ZUP1: variants seen among roughly 807,000 people sequenced by gnomAD.
The protein encoded by ZUP1 is zinc finger-containing ubiquitin peptidase 1.
ZUP1 carries 55 observed loss-of-function variants against 68.1 expected under a neutral mutation model. The ratio of observed to expected loss-of-function variants is 0.81; its 90% CI spans 0.65 to 1.01. The LOEUF (loss-of-function observed/expected upper bound fraction) is 1.01, where lower values mean the gene tolerates loss of function less well. ZUP1 is among the 50% of genes least tolerant of loss of function. The probability of loss-of-function intolerance (pLI) is 0.00; values close to 1 mark genes in which losing one functional copy is unlikely to be tolerated. For missense variants in ZUP1, 684 were observed against 674.9 expected (o/e 1.01, Z -0.15); for synonymous variants, 223 against 221.5 (o/e 1.01, Z -0.06).
chr6:116,643,317 C>CT (rs1305046020), intron 9 of ZUP1, among the ~76,000 whole-genome samples: 3 of 151,326 alleles, frequency 2.0e-5, no homozygotes, highest in Non-Finnish European at 3.0e-5. Context: ...TGACTTTCTT[C>CT]ACAGAATTGG....
chr6:116,637,517 G>A (rs914412871), intron 9 of ZUP1, among the ~76,000 whole-genome samples: 1 of 152,132 alleles, frequency 6.6e-6, no homozygotes, highest in African/African-American at 2.4e-5. Context: ...CACAGCTACT[G>A]TCCATGACTT....
At position 116,641,912 on chromosome 6, in the gene ZUP1, G is replaced by T. The variant is rs995214258; in HGVS notation, c.1689+3802C>A. ...TAATGAATTCAGGAGCCGGTTTTTT[G>T]AAAGGATCAACAAAATTGATAGACC... On this transcript the variant is annotated intron_variant, in intron 9 of 9. Transcript: ENST00000368576. Among the ~76,000 whole-genome samples the T allele has an allele frequency of 1.9e-4, 29 of 152,168 alleles. 1 individual carries two copies. Among genetic ancestry groups the T allele is most frequent in the Middle Eastern group, 6.8e-3 (2 of 294 alleles).
At chr6:116,647,634 CATTT>C (rs767405892) in intron 7 of ZUP1, 24 bp from the exon 8 acceptor site, 1 of 1,464,480 alleles carries the variant, frequency 6.8e-7, no homozygotes, top group Non-Finnish European at 9.2e-7. Flanking sequence ...ACAAAATGCA[CATTT>C]AAAGGGCATT....
chr6:116,638,909 G>A (rs1359433381), intron 9 of ZUP1, among the ~76,000 whole-genome samples: 1 of 152,252 alleles, frequency 6.6e-6, no homozygotes, highest in Non-Finnish European at 1.5e-5. Context: ...GAAGCGCAAG[G>A]GGTCAGGGAG....
chr6:116,658,250 C>T (rs1776726904), intron 4 of ZUP1, among the ~76,000 whole-genome samples: 1 of 152,042 alleles, frequency 6.6e-6, no homozygotes, highest in Admixed American at 6.6e-5. Flanking sequence ...CAGTTTAGTC[C>T]AACAGGTAAA....
chr6:116,664,728 G>A (rs552237772), intron 2 of ZUP1, among the ~76,000 whole-genome samples: 205 of 152,156 alleles, frequency 1.3e-3, no homozygotes, highest in African/African-American at 4.6e-3. Flanking sequence ...TACAGCAGAA[G>A]TAAGAGACCA....
chr6:116,643,751 G>A lies in ZUP1; in HGVS notation c.1689+1963C>T, dbSNP rs184567516. On this transcript the variant is annotated intron_variant, in intron 9 of 9. Coordinates refer to ENST00000368576, the MANE Select transcript of ZUP1 (RefSeq NM_145062.3). ...ATAAAAACCCTAGAAGAAAACCTAG[G>A]CATTACCATTCAGCACATAGGCATG... Among the ~76,000 whole-genome samples the A allele has an allele frequency of 2.0e-4, 30 of 152,242 alleles. 2 individuals are homozygous for A. In the South Asian group the frequency reaches 5.8e-3, roughly 29 times the overall value.
chr6:116,637,851 T>C (rs1775948174), intron 9 of ZUP1, among the ~76,000 whole-genome samples: 2 of 152,146 alleles, frequency 1.3e-5, no homozygotes, highest in African/African-American at 2.4e-5. Flanking sequence ...TCACCAGAAG[T>C]TGGGAGTTCA....
At chr6:116,658,663 A>G in intron 4 of ZUP1, 140 bp downstream of exon 4, 1 of 726,952 alleles carries the variant, frequency 1.4e-6, no homozygotes, top group Non-Finnish European at 2.1e-6. Context: ...ACTAGAATGA[A>G]TATTTATAAA....
intron 1 of ZUP1, among the ~76,000 whole-genome samples, chr6:116,667,797 C>T (rs897883766): frequency 1.3e-5 from 2 of 152,088 alleles, no homozygotes; most frequent in Non-Finnish European, 2.9e-5. Context: ...TGCTCCACAG[C>T]CTGTACTCTC....
intron 6 of ZUP1, 81 bp downstream of exon 6, chr6:116,651,923 C>T: frequency 6.8e-7 from 1 of 1,470,782 alleles, no homozygotes; most frequent in Non-Finnish European, 9.3e-7. Context: ...ACTGTTAAAG[C>T]TATTAATTGT....
Position 116,661,301 on chromosome 6 carries a change from G to C in ZUP1, c.560-455C>G, listed in dbSNP as rs192593673. On this transcript the variant is annotated intron_variant, in intron 2 of 9. Coordinates refer to ENST00000368576, the MANE Select transcript of ZUP1 (RefSeq NM_145062.3). ...TTTAAAAGCTATTTTTCTACTTCTAGGGTCGAGATAGAAGGCTGAGCATAG... is the reference window on the plus strand; with the variant it reads ...TTTAAAAGCTATTTTTCTACTTCTACGGTCGAGATAGAAGGCTGAGCATAG... 3.3e-3 allele frequency among the ~76,000 whole-genome samples: 500 copies of C among 152,056 alleles called. 13 individuals are homozygous for C. Among genetic ancestry groups the C allele is most frequent in the Admixed American group, 0.024 (371 of 15,272 alleles).
At chr6:116,636,229 T>C (rs56669094) in intron 9 of ZUP1, among the ~76,000 whole-genome samples, 3,472 of 152,240 alleles carry the variant, frequency 0.023, 68 homozygotes, top group Middle Eastern at 0.095. Flanking sequence ...AGAAACTTTA[T>C]AAACATTATG....
intron 3 of ZUP1, 21 bp downstream of exon 3, chr6:116,660,715 T>C: frequency 3.7e-6 from 5 of 1,361,528 alleles, no homozygotes; most frequent in Non-Finnish European, 4.1e-6. Context: ...GATATTTTTA[T>C]CTTCAAACAT....
intron 4 of ZUP1, among the ~76,000 whole-genome samples, chr6:116,657,448 T>C (rs1473884695): frequency 6.6e-6 from 1 of 152,238 alleles, no homozygotes; most frequent in African/African-American, 2.4e-5. Context: ...TGGAAACTTT[T>C]TGTATTGATC....
At chr6:116,641,164 T>C (rs1776085191) in intron 9 of ZUP1, among the ~76,000 whole-genome samples, 2 of 148,530 alleles carry the variant, frequency 1.3e-5, no homozygotes, top group Non-Finnish European at 3.0e-5. Context: ...ATGCACCCAA[T>C]ACAGGAGCAC....
intron 2 of ZUP1, among the ~76,000 whole-genome samples, chr6:116,661,609 T>C (rs139562990): frequency 8.5e-5 from 13 of 152,296 alleles, no homozygotes; most frequent in Non-Finnish European, 1.6e-4. Flanking sequence ...CAGGTCTAGC[T>C]TGCCAAAAAC....
At chr6:116,666,503 A>C (rs1235883891) in intron 2 of ZUP1, 131 bp downstream of exon 2, 1 of 616,984 alleles carries the variant, frequency 1.6e-6, no homozygotes, top group Non-Finnish European at 2.5e-6. Flanking sequence ...ACAGCAAATG[A>C]AAAATGTTAT....
chr6:116,651,781 T>C (rs1562405441), intron 6 of ZUP1, 44 bp from the exon 7 acceptor site: 4 of 1,601,136 alleles, frequency 2.5e-6, no homozygotes, highest in Middle Eastern at 1.7e-4. Flanking sequence ...GTTAATAAAG[T>C]ACTGAATAAT....
Sources: gnomAD v4.1 joint callset for allele counts (sites outside exome capture counted in the v4.1 genomes callset) on GRCh38, gnomAD v4.1.1 for gene constraint, MANE v1.5 for transcripts, NCBI Gene and HGNC (gene_info 2026-07-23, HGNC 2026-07-21) for gene names.